ADAMTS19: variants seen among roughly 807,000 people sequenced by gnomAD.
ADAMTS19 encodes the protein A disintegrin and metalloproteinase with thrombospondin motifs 19.
ADAMTS19 carries 93 observed loss-of-function variants against 153.3 expected under a neutral mutation model. The ratio of observed to expected loss-of-function variants is 0.61; its 90% CI spans 0.51 to 0.72. The LOEUF (loss-of-function observed/expected upper bound fraction) is 0.72. Among genes scored for constraint, ADAMTS19 ranks in the 30% least tolerant of loss-of-function variants. The probability of loss-of-function intolerance (pLI) is 0.00; values close to 1 mark genes in which losing one functional copy is unlikely to be tolerated. For synonymous variants in ADAMTS19, 600 were observed against 556.6 expected, an observed-to-expected ratio of 1.08 and a Z score of -1.10; for missense variants, 1,482 against 1,552.1, an observed-to-expected ratio of 0.95 and a Z score of 0.76.
intron 8 of ADAMTS19, among the ~76,000 whole-genome samples, chr5:129,608,822 G>A (rs1394148234): frequency 1.4e-5 from 2 of 138,758 alleles, no homozygotes; most frequent in African/African-American, 5.3e-5. Context: ...ACTCCAGCCT[G>A]GTCAATACAG....
At chr5:129,502,077 T>C (rs1259987173) in intron 2 of ADAMTS19, among the ~76,000 whole-genome samples, 16 of 151,958 alleles carry the variant, frequency 1.1e-4, no homozygotes, top group Non-Finnish European at 2.9e-5. Context: ...CCATTGAGTG[T>C]GATAGATGCA....
intron 15 of ADAMTS19, among the ~76,000 whole-genome samples, chr5:129,664,749 A>G (rs1308806460): frequency 3.3e-5 from 5 of 152,112 alleles, no homozygotes; most frequent in Non-Finnish European, 5.9e-5. Context: ...TTCAAGCAAA[A>G]GTAGGCATCT....
At chr5:129,615,211 A>C (rs981086759) in intron 8 of ADAMTS19, among the ~76,000 whole-genome samples, 2 of 152,140 alleles carry the variant, frequency 1.3e-5, no homozygotes, top group Admixed American at 6.6e-5. Flanking sequence ...GGAACCAAAA[A>C]AGAGCCCACA....
At chr5:129,688,320 G>A (rs919579368) in intron 18 of ADAMTS19, 3 of 152,110 alleles carry the variant, frequency 2.0e-5, no homozygotes, top group Non-Finnish European at 4.4e-5. Flanking sequence ...AATATATTAA[G>A]AGCAAGTAAA....
At chr5:129,463,487 T>C (rs1749757138) in intron 2 of ADAMTS19, among the ~76,000 whole-genome samples, 1 of 152,248 alleles carries the variant, frequency 6.6e-6, no homozygotes, top group Non-Finnish European at 1.5e-5. Flanking sequence ...TCACTGTTCC[T>C]ATTAGCTACA....
At chr5:129,470,886 G>C (rs1750040718) in intron 2 of ADAMTS19, among the ~76,000 whole-genome samples, 1 of 151,430 alleles carries the variant, frequency 6.6e-6, no homozygotes, top group Admixed American at 6.6e-5. Context: ...TTTTCCTTGA[G>C]CACATTCAAA....
chr5:129,485,731 T>C (rs1375111764), intron 2 of ADAMTS19, among the ~76,000 whole-genome samples: 1 of 152,170 alleles, frequency 6.6e-6, no homozygotes, highest in Non-Finnish European at 1.5e-5. Flanking sequence ...AAAATACATA[T>C]TAAAAATTAA....
chr5:129,655,781 C>A (rs1268502500), intron 14 of ADAMTS19, among the ~76,000 whole-genome samples: 1 of 152,162 alleles, frequency 6.6e-6, no homozygotes, highest in African/African-American at 2.4e-5. Context: ...CCTTTCTCAG[C>A]TCTGAGATTC....
At chr5:129,591,860 G>A (rs1241778782) in intron 7 of ADAMTS19, among the ~76,000 whole-genome samples, 1 of 151,962 alleles carries the variant, frequency 6.6e-6, no homozygotes, top group African/African-American at 2.4e-5. Flanking sequence ...GCATCCATCT[G>A]ATCACATAAA....
chr5:129,653,236 C>G (rs1753393572), intron 13 of ADAMTS19, among the ~76,000 whole-genome samples: 1 of 152,130 alleles, frequency 6.6e-6, no homozygotes, highest in Admixed American at 6.6e-5. Flanking sequence ...AACTTTTTTC[C>G]ATTCTATTTA....
At chr5:129,527,616 C>CT (rs370814072) in intron 4 of ADAMTS19, 132 bp from the exon 5 acceptor site, 5,815 of 177,084 alleles carry the variant, frequency 0.033, 88 homozygotes, top group Middle Eastern at 0.057. Flanking sequence ...GCTTTACAAG[C>CT]TTTTTTTTTT....
intron 21 of ADAMTS19, among the ~76,000 whole-genome samples, chr5:129,704,821 C>T (rs994225386): frequency 2.0e-5 from 3 of 151,778 alleles, no homozygotes; most frequent in African/African-American, 7.3e-5. Flanking sequence ...ATTTTCCCAC[C>T]AATTTTGGGA....
chr5:129,729,751 A>G (rs959117438), intron 21 of ADAMTS19, among the ~76,000 whole-genome samples: 1 of 152,082 alleles, frequency 6.6e-6, no homozygotes, highest in African/African-American at 2.4e-5. Flanking sequence ...AAGATTATAT[A>G]TTGTGAGTTA....
intron 7 of ADAMTS19, among the ~76,000 whole-genome samples, chr5:129,587,084 A>C (rs1267254655): frequency 6.6e-6 from 1 of 152,056 alleles, no homozygotes; most frequent in African/African-American, 2.4e-5. Context: ...GAAACTATTT[A>C]TCTCTCCTCC....
rs1208817052 is a variant in ADAMTS19, at chr5:129,461,478, G to C, written c.468G>C (p.Pro156=). ...CGCCGCCTCCCCCGCAGCCGCCCCC[G>C]TCCCCGCCCCCGGCCCAGCATGCCG... The part of the protein sequence containing the change: ...WQPPPPPQPP[P]SPPPAQHAEP... The change falls in exon 2 of 23, where the codon CCG becomes CCC. Residue 156 remains proline, a synonymous_variant. Transcript: ENST00000274487. This position sits in a 1 kb window ranked among gnomAD's most constrained non-coding sequence, Gnocchi z 4.6. 2 of 1,475,980 alleles carry C rather than the reference G, an allele frequency of 1.4e-6. No homozygotes were observed. 91.4% of individuals were successfully genotyped at this position (1,475,980 alleles called of 1,614,324 possible). A position where few individuals can be genotyped will look rare whatever the true frequency, so the allele number is the denominator to read the frequency against.
intron 12 of ADAMTS19, 143 bp downstream of exon 12, chr5:129,648,038 A>C: frequency 1.1e-6 from 1 of 871,524 alleles, no homozygotes; most frequent in Non-Finnish European, 1.6e-6. Context: ...CAAATTATTT[A>C]TTTTATATAA....
intron 22 of ADAMTS19, 31 bp from the exon 23 acceptor site, chr5:129,737,036 T>C (rs1757696286): frequency 1.3e-6 from 2 of 1,550,348 alleles, no homozygotes; most frequent in Non-Finnish European, 1.8e-6. Flanking sequence ...GATATCTGCA[T>C]GGAGTGAATT....
chr5:129,713,580 G>A (rs1224693394), intron 21 of ADAMTS19, among the ~76,000 whole-genome samples: 2 of 152,044 alleles, frequency 1.3e-5, no homozygotes, highest in African/African-American at 2.4e-5. Context: ...GGCCAACATG[G>A]CAAAACGCTG....
In ADAMTS19 at chr5:129,510,106, A is replaced by T. The variant is rs541401590; in HGVS notation, c.913+864A>T. On this transcript the variant is annotated intron_variant, in intron 3 of 22. Coordinates refer to ENST00000274487, the MANE Select transcript of ADAMTS19 (RefSeq NM_133638.6). ...TGAGGAAATATAAATTTATTGAAAA[A>T]TTTTCAGTGTAAGGACTTTAAAATT... is the stretch of plus-strand genomic sequence containing the variant. Among the ~76,000 whole-genome samples the T allele has an allele frequency of 3.9e-5, 6 of 151,950 alleles. No individual in the cohort carries two copies. The South Asian group carries it at 1.2e-3, about 31-fold the overall frequency.
Sources: allele counts gnomAD v4.1 joint callset (sites outside exome capture counted in the v4.1 genomes callset), GRCh38; gene constraint gnomAD v4.1.1; non-coding constraint Gnocchi (gnomAD v3.1); transcripts MANE v1.5; gene names NCBI Gene and HGNC (gene_info 2026-07-23, HGNC 2026-07-21).